Variants in SLC2A13 observed in about 807,000 individuals in gnomAD.
SLC2A13 encodes solute carrier family 2 member 13.
In SLC2A13, 32 loss-of-function variants were observed where a neutral mutation model predicts 64.4. The ratio of observed to expected loss-of-function variants is 0.50; its 90% CI spans 0.37 to 0.67. SLC2A13 has a LOEUF of 0.67. SLC2A13 is among the 30% of genes least tolerant of loss of function. The pLI, the probability that SLC2A13 is intolerant of heterozygous loss-of-function variation, is 0.00. For synonymous variants in SLC2A13, 338 were observed against 327.1 expected (o/e 1.03, Z -0.36); for missense variants, 743 against 829.2 (o/e 0.90, Z 1.28).
At chr12:39,918,933 C>T (rs11833403) in intron 4 of SLC2A13, among the ~76,000 whole-genome samples, 138,955 of 149,952 alleles carry the variant, frequency 0.93, 64,466 homozygotes, top group East Asian at 0.98. Context: ...TCAGGTTATA[C>T]ACGCGCACAC....
At chr12:39,957,712 C>T (rs1387615845) in intron 3 of SLC2A13, among the ~76,000 whole-genome samples, 1 of 152,222 alleles carries the variant, frequency 6.6e-6, no homozygotes, top group African/African-American at 2.4e-5. Flanking sequence ...CTCTAACTGG[C>T]TCCCAATCAT....
chr12:40,097,475 TA>T (rs1381343339), intron 1 of SLC2A13, among the ~76,000 whole-genome samples: 13 of 152,092 alleles, frequency 8.5e-5, no homozygotes, highest in Non-Finnish European at 1.6e-4. Context: ...ATATATCTGA[TA>T]GGGGGTTAAT....
chr12:40,043,379 C>A (rs1948125409), intron 2 of SLC2A13, among the ~76,000 whole-genome samples: 1 of 152,002 alleles, frequency 6.6e-6, no homozygotes, highest in African/African-American at 2.4e-5. Context: ...CCTGTAATCC[C>A]AGCACTTTGG....
At chr12:39,864,139 C>T (rs1042585549) in intron 6 of SLC2A13, among the ~76,000 whole-genome samples, 14 of 152,202 alleles carry the variant, frequency 9.2e-5, no homozygotes, top group Non-Finnish European at 1.9e-4. Context: ...CTCAGTCCAT[C>T]TATCCATTTA....
intron 3 of SLC2A13, among the ~76,000 whole-genome samples, chr12:39,970,815 C>T (rs1285873549): frequency 6.6e-6 from 1 of 152,208 alleles, no homozygotes; most frequent in Non-Finnish European, 1.5e-5. Context: ...TTTCACCATT[C>T]ACATTGGGTA....
chr12:40,004,105 A>T lies in SLC2A13; in HGVS notation c.925+24196T>A, dbSNP rs374713409. On this transcript the variant is annotated intron_variant, in intron 3 of 9. Transcript: ENST00000280871. Reference sequence around the variant, plus strand: ...ACTATTTGCATAACATTTACACTGTATTCGGTTTTATAAGTAATCCAGAGA... The same window carrying T: ...ACTATTTGCATAACATTTACACTGTTTTCGGTTTTATAAGTAATCCAGAGA... 1.6e-4 allele frequency among the ~76,000 whole-genome samples: 24 copies of T among 152,342 alleles called. No homozygotes were observed. The East Asian group carries it at 3.8e-3, about 24-fold the overall frequency.
chr12:39,974,724 C>A (rs1313273816), intron 3 of SLC2A13, among the ~76,000 whole-genome samples: 1 of 152,136 alleles, frequency 6.6e-6, no homozygotes, highest in Non-Finnish European at 1.5e-5. Flanking sequence ...TGGCATGGGG[C>A]AATGATGAAT....
chr12:39,958,530 G>A (rs28370609), intron 3 of SLC2A13, among the ~76,000 whole-genome samples: 3,594 of 152,164 alleles, frequency 0.024, 64 homozygotes, highest in Middle Eastern at 0.12. Context: ...AGTCTCTACC[G>A]AATCCAATCC....
intron 3 of SLC2A13, among the ~76,000 whole-genome samples, chr12:40,016,568 T>C (rs1019519644): frequency 6.6e-6 from 1 of 152,176 alleles, no homozygotes; most frequent in Non-Finnish European, 1.5e-5. Context: ...CTAGTGAAAA[T>C]ATATTTGAAT....
chr12:39,795,324 T>C (rs1592144698), intron 7 of SLC2A13, among the ~76,000 whole-genome samples: 2 of 152,282 alleles, frequency 1.3e-5, no homozygotes, highest in East Asian at 3.9e-4. Flanking sequence ...ATCTACACAG[T>C]TTTAAACTTA....
At chr12:39,885,709 T>G (rs1944449917) in intron 4 of SLC2A13, among the ~76,000 whole-genome samples, 1 of 152,284 alleles carries the variant, frequency 6.6e-6, no homozygotes, top group Admixed American at 6.5e-5. Context: ...GAATAAAACA[T>G]GTCTTCCCTT....
chr12:39,910,726 A>C (rs7315985), intron 4 of SLC2A13, among the ~76,000 whole-genome samples: 143,764 of 152,028 alleles, frequency 0.95, 68,547 homozygotes, highest in East Asian at 1. Flanking sequence ...ATGTATGACT[A>C]TATGTGTGGT....
chr12:40,010,831 A>G (rs1214021093), intron 3 of SLC2A13, among the ~76,000 whole-genome samples: 1 of 152,188 alleles, frequency 6.6e-6, no homozygotes, highest in African/African-American at 2.4e-5. Flanking sequence ...GACTTGGTAA[A>G]CAGCCCAACA....
chr12:39,918,362 C>T (rs1945554802), intron 4 of SLC2A13, among the ~76,000 whole-genome samples: 1 of 147,302 alleles, frequency 6.8e-6, no homozygotes, highest in African/African-American at 2.5e-5. Context: ...CAGAAGTTTC[C>T]TTTTTTTTTT....
chr12:39,892,251 T>C (rs1038422144), intron 4 of SLC2A13, among the ~76,000 whole-genome samples: 4 of 152,234 alleles, frequency 2.6e-5, no homozygotes, highest in Non-Finnish European at 5.9e-5. Flanking sequence ...TTAATCTGCC[T>C]GTCTTGCAGC....
chr12:40,050,858 A>G (rs924577461), intron 1 of SLC2A13, among the ~76,000 whole-genome samples: 7 of 152,198 alleles, frequency 4.6e-5, no homozygotes, highest in Admixed American at 1.3e-4. Flanking sequence ...TTCTGGGTCT[A>G]AAGTTCCTCA....
chr12:39,871,988 C>T (rs369508366), intron 4 of SLC2A13, 27 bp from the exon 5 acceptor site: 3 of 1,505,952 alleles, frequency 2.0e-6, no homozygotes, highest in African/African-American at 1.4e-5. Context: ...AAAACAATTG[C>T]TATTGATAGT....
chr12:39,909,539 T>C (rs1945374841), intron 4 of SLC2A13, among the ~76,000 whole-genome samples: 1 of 152,106 alleles, frequency 6.6e-6, no homozygotes, highest in African/African-American at 2.4e-5. Context: ...AGACCTGTTA[T>C]AAACATGTCC....
chr12:40,037,174 G>A (rs1288935049), intron 2 of SLC2A13, among the ~76,000 whole-genome samples: 5 of 152,004 alleles, frequency 3.3e-5, no homozygotes, highest in African/African-American at 1.2e-4. Flanking sequence ...TCATGAAATT[G>A]GACTCAAATT....
Sources: allele counts gnomAD v4.1 joint callset (sites outside exome capture counted in the v4.1 genomes callset), GRCh38; gene constraint gnomAD v4.1.1; transcripts MANE v1.5; gene names NCBI Gene and HGNC (gene_info 2026-07-23, HGNC 2026-07-21).